SPMIP2: variants seen among roughly 807,000 people sequenced by gnomAD.
SPMIP2 encodes the protein protein SPMIP2.
At chr4:158,946,109 A>G in the SPMIP2 span, among the ~76,000 whole-genome samples, 1 of 152,180 alleles carries the variant, frequency 6.6e-6, no homozygotes, top group African/African-American at 2.4e-5. Context: ...TGTGTGTGAG[A>G]TATTTGAGAT....
At chr4:159,045,110 A>AT in the SPMIP2 span, among the ~76,000 whole-genome samples, 1 of 152,186 alleles carries the variant, frequency 6.6e-6, no homozygotes, top group South Asian at 2.1e-4. Flanking sequence ...AAAAAAAAAA[A>AT]GAAGTTATAG....
the SPMIP2 span, among the ~76,000 whole-genome samples, chr4:159,061,185 A>G: frequency 6.6e-6 from 1 of 151,644 alleles, no homozygotes; most frequent in Admixed American, 6.6e-5. Context: ...ATAGCCAGAA[A>G]ACAGCAGAAA....
chr4:158,913,190 G>A, the SPMIP2 span, among the ~76,000 whole-genome samples: 3 of 152,192 alleles, frequency 2.0e-5, no homozygotes, highest in African/African-American at 4.8e-5. Context: ...TACAAAGGTC[G>A]TCAGTTAATA....
chr4:158,981,806 CA>C, the SPMIP2 span, among the ~76,000 whole-genome samples: 368 of 77,280 alleles, frequency 4.8e-3, 8 homozygotes, highest in Middle Eastern at 0.01. Context: ...AACTAATGGG[CA>C]AAAAAAAAAA....
At chr4:159,031,185 T>TA in the SPMIP2 span, among the ~76,000 whole-genome samples, 1 of 152,188 alleles carries the variant, frequency 6.6e-6, no homozygotes, top group African/African-American at 2.4e-5. Context: ...AGAAAGGTGG[T>TA]AAGTGATGGG....
the SPMIP2 span, among the ~76,000 whole-genome samples, chr4:158,950,905 G>A: frequency 6.6e-6 from 1 of 152,126 alleles, no homozygotes; most frequent in Non-Finnish European, 1.5e-5. Context: ...AAACAAGCAG[G>A]CAAAATGGAG....
the SPMIP2 span, among the ~76,000 whole-genome samples, chr4:159,065,203 G>A: frequency 9.2e-3 from 1,404 of 152,286 alleles, 26 homozygotes; most frequent in African/African-American, 0.032. Context: ...CTGCTTTTGA[G>A]TATTTGACAA....
At chr4:158,975,532 C>T in the SPMIP2 span, among the ~76,000 whole-genome samples, 1 of 152,144 alleles carries the variant, frequency 6.6e-6, no homozygotes, top group African/African-American at 2.4e-5. Flanking sequence ...GCCAGTTTTC[C>T]TAACACCATT....
chr4:159,027,932 C>G, the SPMIP2 span, among the ~76,000 whole-genome samples: 1 of 152,164 alleles, frequency 6.6e-6, no homozygotes, highest in Non-Finnish European at 1.5e-5. Context: ...AAATTTCATG[C>G]TGTGATCACT....
the SPMIP2 span, among the ~76,000 whole-genome samples, chr4:159,064,030 C>A: frequency 2.6e-5 from 4 of 152,138 alleles, no homozygotes; most frequent in Admixed American, 1.3e-4. Flanking sequence ...TGTTCTCTCT[C>A]AATGCTCATT....
the SPMIP2 span, among the ~76,000 whole-genome samples, chr4:159,006,063 C>T: frequency 2.6e-5 from 4 of 152,180 alleles, no homozygotes; most frequent in African/African-American, 9.7e-5. Context: ...CGCGCCTGAC[C>T]CTCTTTTAAT....
At chr4:158,915,840 G>A in the SPMIP2 span, among the ~76,000 whole-genome samples, 1 of 152,098 alleles carries the variant, frequency 6.6e-6, no homozygotes, top group Non-Finnish European at 1.5e-5. Context: ...TGAGATCCTT[G>A]GCTAAGTTCT....
the SPMIP2 span, among the ~76,000 whole-genome samples, chr4:159,014,461 T>C: frequency 6.6e-6 from 1 of 152,198 alleles, no homozygotes; most frequent in South Asian, 2.1e-4. Flanking sequence ...TCAAAAAAAA[T>C]TGCAGCCCCA....
chr4:159,020,120 TA>T, the SPMIP2 span, among the ~76,000 whole-genome samples: 597 of 141,164 alleles, frequency 4.2e-3, 1 homozygote, highest in Admixed American at 3.8e-3. Flanking sequence ...ACTCCATCTT[TA>T]AAAAAAAAAA....
chr4:159,040,230 G>A, the SPMIP2 span, among the ~76,000 whole-genome samples: 1 of 151,920 alleles, frequency 6.6e-6, no homozygotes, highest in African/African-American at 2.4e-5. Context: ...GGAGTGCAGT[G>A]GTGTGCTCTT....
At chr4:158,943,858 C>CTTTTTTTTTTT in the SPMIP2 span, among the ~76,000 whole-genome samples, 67 of 101,908 alleles carry the variant, frequency 6.6e-4, 4 homozygotes, top group African/African-American at 1.0e-3. Context: ...TTGACATTTT[C>CTTTTTTTTTTT]TTTTTTTTTT....
chr4:158,935,999 T>C, the SPMIP2 span, among the ~76,000 whole-genome samples: 1,798 of 152,300 alleles, frequency 0.012, 22 homozygotes, highest in Middle Eastern at 0.031. Context: ...AACAATTCAA[T>C]GAACTCTCAG....
the SPMIP2 span, among the ~76,000 whole-genome samples, chr4:159,013,291 T>C: frequency 6.6e-6 from 1 of 152,220 alleles, no homozygotes; most frequent in Admixed American, 6.5e-5. Flanking sequence ...CACATGTTAA[T>C]AGCAGCATTA....
At chr4:159,067,362 C>A in the SPMIP2 span, among the ~76,000 whole-genome samples, 1 of 152,144 alleles carries the variant, frequency 6.6e-6, no homozygotes, top group Non-Finnish European at 1.5e-5. Flanking sequence ...CTGCCTCAGC[C>A]TCCCAAGTAG....
Sources: allele counts gnomAD v4.1 joint callset (sites outside exome capture counted in the v4.1 genomes callset), GRCh38; gene constraint gnomAD v4.1.1; transcripts MANE v1.5; gene names NCBI Gene and HGNC (gene_info 2026-07-23, HGNC 2026-07-21).